The following C3orf52 variants were observed in gnomAD, a reference collection of about 807,000 sequenced individuals.
C3orf52 encodes the protein chromosome 3 open reading frame 52, also known as TPA-induced transmembrane protein.
In C3orf52, 22 loss-of-function variants were observed where a neutral mutation model predicts 24.8. The ratio of observed to expected loss-of-function variants is 0.89; its 90% confidence interval spans 0.63 to 1.27. The LOEUF (loss-of-function observed/expected upper bound fraction) is 1.27, where lower values mean the gene tolerates loss of function less well. Among genes scored for constraint, C3orf52 ranks in the 50% most tolerant of loss-of-function variants. The pLI, the probability that C3orf52 is intolerant of heterozygous loss-of-function variation, is 0.00. For missense variants in C3orf52, 265 were observed against 260.7 expected (o/e 1.02, Z -0.11); for synonymous variants, 93 against 100.2 (o/e 0.93, Z 0.43).
In C3orf52 at chr3:112,117,160, C is replaced by CTTTTT; in HGVS notation, c.*515_*516insTTTTT. On this transcript the variant is annotated 3_prime_UTR_variant, in exon 6 of 6. Transcript: ENST00000264848. ...GAGGCAGGCAGCCAGGTTACGAAGACTAAGCCAATTATTCACTGAAGTCAT... is the reference window on the plus strand; with the variant it reads ...GAGGCAGGCAGCCAGGTTACGAAGACTTTTTTAAGCCAATTATTCACTGAAGTCAT... 1.8e-6 allele frequency: 1 copy of CTTTTT among 565,320 alleles called. No homozygotes were observed. Among genetic ancestry groups the CTTTTT allele is most frequent in the Non-Finnish European group, 3.1e-6 (1 of 319,042 alleles). 35.0% of individuals were successfully genotyped at this position (565,320 alleles called of 1,614,324 possible).
At chr3:112,122,497 CAT>C (rs2074219208), downstream of C3orf52, 1 of 152,130 alleles carries the variant, frequency 6.6e-6, no homozygotes, top group Non-Finnish European at 1.5e-5. Context: ...AATCAGGACA[CAT>C]AGAGGAGTGC....
intron 4 of C3orf52, chr3:112,127,882 T>A: frequency 1.5e-6 from 1 of 684,672 alleles, no homozygotes; most frequent in Non-Finnish European, 2.6e-6. Context: ...CTTCCCTGAT[T>A]AACTCTTAGG....
At chr3:112,125,573 G>C (rs1246268162) in intron 4 of C3orf52, among the ~76,000 whole-genome samples, 1 of 152,180 alleles carries the variant, frequency 6.6e-6, no homozygotes, top group South Asian at 2.1e-4. Flanking sequence ...AAATTGATTT[G>C]TGTTCCTTAC....
At chr3:112,135,714 T>C (rs1214153868), downstream of C3orf52, among the ~76,000 whole-genome samples, 1 of 152,214 alleles carries the variant, frequency 6.6e-6, no homozygotes, top group Non-Finnish European at 1.5e-5. Flanking sequence ...CTCCTTATTA[T>C]ATACCTAATG....
intron 3 of C3orf52, among the ~76,000 whole-genome samples, chr3:112,106,704 C>T (rs2074029061): frequency 6.6e-6 from 1 of 152,190 alleles, no homozygotes; most frequent in Non-Finnish European, 1.5e-5. Flanking sequence ...ACTTTATGCC[C>T]TTTCCCTTGA....
In C3orf52 at chr3:112,116,790, C is replaced by G. The variant is rs929160369; in HGVS notation, c.*144C>G. On this transcript the variant is annotated 3_prime_UTR_variant, in exon 6 of 6. Coordinates refer to ENST00000264848, the MANE Select transcript of C3orf52 (RefSeq NM_024616.3). The stretch of plus-strand genomic sequence containing the variant: ...CAGAGGGGTGGAGACTCCTTTCTCT[C>G]CCGATTCTACAGTCTGGCTCTAAGC... 11 of 1,542,118 alleles carry G rather than the reference C, an allele frequency of 7.1e-6. No homozygotes were observed. The highest frequency in any genetic ancestry group is 9.6e-6 in the Non-Finnish European group (11 of 1,146,952).
chr3:112,124,042 C>T, intron 4 of C3orf52, among the ~76,000 whole-genome samples: 1 of 152,166 alleles, frequency 6.6e-6, no homozygotes, highest in East Asian at 1.9e-4. Context: ...GGATATTCGT[C>T]CCCTGCAAAT....
intron 5 of C3orf52, among the ~76,000 whole-genome samples, chr3:112,114,763 C>G (rs1384152962): frequency 6.6e-6 from 1 of 152,152 alleles, no homozygotes; most frequent in East Asian, 1.9e-4. Context: ...GCCTGCGATG[C>G]CTGTGGGGGC....
intron 3 of C3orf52, among the ~76,000 whole-genome samples, chr3:112,106,264 C>CT (rs11299002): frequency 2.6e-5 from 4 of 151,274 alleles, no homozygotes; most frequent in African/African-American, 7.3e-5. Context: ...TCTTCTTCTT[C>CT]TTTTTTTTTT....
downstream of C3orf52, chr3:112,119,579 T>C (rs2074169942): frequency 1.4e-6 from 1 of 701,108 alleles, no homozygotes; most frequent in African/African-American, 1.7e-5. Context: ...ATTCTCTCTT[T>C]TGTCTTTTAC....
intron 1 of C3orf52, 64 bp downstream of exon 1, chr3:112,086,609 G>A (rs924383965): frequency 1.0e-5 from 15 of 1,502,386 alleles, no homozygotes; most frequent in Middle Eastern, 2.0e-4. Flanking sequence ...ACCCGGGCCT[G>A]GCACCCGCGA....
At chr3:112,130,114 G>C (rs747608479), downstream of C3orf52, 4 of 273,000 alleles carry the variant, frequency 1.5e-5, no homozygotes, top group Non-Finnish European at 2.8e-5. Context: ...AAAATGGCTA[G>C]GGTGGAGGTT....
At chr3:112,096,686 C>T (rs1158514670) in intron 2 of C3orf52, among the ~76,000 whole-genome samples, 1 of 152,146 alleles carries the variant, frequency 6.6e-6, no homozygotes, top group Non-Finnish European at 1.5e-5. Context: ...GGGGAGGGGA[C>T]ACCTGGGTAC....
At chr3:112,133,291 G>T, downstream of C3orf52, 1 of 696,592 alleles carries the variant, frequency 1.4e-6, no homozygotes. Context: ...AGAGGCTGGG[G>T]GAGGAGTGTT....
At chr3:112,112,889 A>AAAT in intron 4 of C3orf52, 75 bp from the exon 5 acceptor site, 7 of 1,189,022 alleles carry the variant, frequency 5.9e-6, no homozygotes, top group African/African-American at 1.5e-5. Flanking sequence ...AAAAAAAAAA[A>AAAT]GTTATTGCTT....
chr3:112,094,584 ATAT>A (rs1412816314), intron 2 of C3orf52, among the ~76,000 whole-genome samples: 1 of 152,036 alleles, frequency 6.6e-6, no homozygotes, highest in African/African-American at 2.4e-5. Context: ...TAGGATTTTG[ATAT>A]TATGTTTAGA....
chr3:112,123,559 C>T (rs746824883), intron 4 of C3orf52: 1 of 1,614,164 alleles, frequency 6.2e-7, no homozygotes, highest in Non-Finnish European at 8.5e-7. Context: ...TATTCATCTT[C>T]TGGGGATCGG....
intron 2 of C3orf52, among the ~76,000 whole-genome samples, chr3:112,095,921 A>G (rs185331169): frequency 7.0e-4 from 106 of 152,282 alleles, no homozygotes; most frequent in African/African-American, 2.5e-3. Flanking sequence ...CCTAATTGCC[A>G]AGCCCATTAA....
rs374446990 is a variant in C3orf52 at position 112,128,083 on chromosome 3, G to A, written c.*47-150G>A. 1.8e-4 allele frequency: 287 copies of A among 1,609,522 alleles called. No individual in the cohort carries two copies. The Middle Eastern group carries it at 2.5e-3, about 14-fold the overall frequency. ...GCATCTAAAATACCCAAGAGAGATGGCAAATCATAAGGTTGATTTCTGCAG... is the reference window on the plus strand; with the variant it reads ...GCATCTAAAATACCCAAGAGAGATGACAAATCATAAGGTTGATTTCTGCAG... On this transcript the variant is annotated intron_variant, in intron 4 of 4. Transcript: ENST00000480282.
Sources: allele counts gnomAD v4.1 joint callset (sites outside exome capture counted in the v4.1 genomes callset), GRCh38; gene constraint gnomAD v4.1.1; transcripts MANE v1.5; gene names NCBI Gene and HGNC (gene_info 2026-07-23, HGNC 2026-07-21).